Variants in STAG2 observed in about 807,000 individuals in gnomAD.
The protein encoded by STAG2 is STAG2 cohesin complex component, also known as cohesin subunit SA-2.
STAG2 carries 14 observed loss-of-function variants against 108.1 expected under a neutral mutation model. The ratio of observed to expected loss-of-function variants is 0.13; its 90% CI spans 0.09 to 0.20. The LOEUF is 0.20. Among genes scored for constraint, STAG2 ranks in the 10% least tolerant of loss-of-function variants. The pLI, the probability that STAG2 is intolerant of heterozygous loss-of-function variation, is 1.00. For synonymous variants in STAG2, 307 were observed against 302.7 expected, an observed-to-expected ratio of 1.01 and a Z score of -0.15; for missense variants, 440 against 940.9, an observed-to-expected ratio of 0.47 and a Z score of 6.96.
intron 30 of STAG2, among the ~76,000 whole-genome samples, chrX:124,089,629 G>A (rs899244274): frequency 9.0e-6 from 1 of 110,972 alleles, no homozygotes; most frequent in Non-Finnish European, 1.9e-5. Context: ...TCCCCACACT[G>A]CCACCACATT....
rs373024495 is a variant in STAG2, at chrX:123,980,586, C to T, written c.-163+18730C>T. ...TCCTTATGTAGATTGTTTCCTTTGT[C>T]GCATCTCATGGGAATTGGGTTCTTC... On this transcript the variant is annotated intron_variant, in intron 1 of 34. Coordinates refer to ENST00000371145, the MANE Select transcript of STAG2 (RefSeq NM_001042750.2). Among the ~76,000 whole-genome samples, 36 of 111,483 alleles carry T rather than the reference C, an allele frequency of 3.2e-4. No individual in the cohort carries two copies. In the East Asian group the frequency reaches 9.3e-3, roughly 29 times the overall value.
intron 1 of STAG2, among the ~76,000 whole-genome samples, chrX:124,013,722 CAA>C (rs10603485): frequency 0.16 from 18,131 of 110,289 alleles, 1,201 homozygotes; most frequent in South Asian, 0.36. Context: ...TAAGGCAACT[CAA>C]GAGACAAATG....
At chrX:124,053,483 T>C (rs2058101573) in intron 13 of STAG2, among the ~76,000 whole-genome samples, 1 of 110,511 alleles carries the variant, frequency 9.0e-6, no homozygotes, top group African/African-American at 3.3e-5. Context: ...AGCAAGCAAA[T>C]TGTGACATTT....
chrX:123,973,850 A>G lies in STAG2; in HGVS notation c.-163+11994A>G, dbSNP rs368316911. Among the ~76,000 whole-genome samples, 4 of 110,824 alleles carry G rather than the reference A, an allele frequency of 3.6e-5. No individual in the cohort carries two copies. The East Asian group carries it at 1.1e-3, about 31-fold the overall frequency. On this transcript the variant is annotated intron_variant, in intron 1 of 34. Transcript: ENST00000371145. ...CAAGAGTGAAACTCCCTCTCAAAAA[A>G]AAAAAAAAGTACCTATGAAAGATGG...
At chrX:123,967,838 A>G (rs528807320) in intron 1 of STAG2, among the ~76,000 whole-genome samples, 3 of 111,112 alleles carry the variant, frequency 2.7e-5, no homozygotes, top group African/African-American at 9.8e-5. Context: ...CAATAAAAAT[A>G]CGGTATAAAA....
At chrX:123,963,257 G>C (rs1017991016) in intron 1 of STAG2, 1 of 111,297 alleles carries the variant, frequency 9.0e-6, no homozygotes, top group Non-Finnish European at 1.9e-5. Context: ...CTCTCTCTGC[G>C]TATTGGTTAG....
chrX:124,028,403 G>T (rs933361535), intron 4 of STAG2, among the ~76,000 whole-genome samples: 3 of 111,491 alleles, frequency 2.7e-5, no homozygotes, highest in Non-Finnish European at 5.6e-5. Flanking sequence ...GCAGGATGAT[G>T]AGTGATTCTA....
intron 4 of STAG2, among the ~76,000 whole-genome samples, chrX:124,026,128 A>AAATAATAAT (rs57097416): frequency 0.041 from 3,637 of 88,867 alleles, 108 homozygotes; most frequent in African/African-American, 0.091. Flanking sequence ...GTAAAGTTGC[A>AAATAATAAT]AATAATAATA....
chrX:123,981,026 A>C (rs1311146736), intron 1 of STAG2, among the ~76,000 whole-genome samples: 1 of 111,817 alleles, frequency 8.9e-6, no homozygotes, highest in East Asian at 2.8e-4. Context: ...TCTTATAAAA[A>C]TCACTTCATT....
At chrX:124,031,804 C>T (rs1452983520) in intron 5 of STAG2, among the ~76,000 whole-genome samples, 2 of 107,935 alleles carry the variant, frequency 1.9e-5, no homozygotes, top group Non-Finnish European at 3.8e-5. Flanking sequence ...GATCTCTGCT[C>T]ACTGCAACCT....
intron 1 of STAG2, among the ~76,000 whole-genome samples, chrX:123,982,764 C>T (rs1369379813): frequency 1.1e-4 from 6 of 53,880 alleles, no homozygotes; most frequent in Non-Finnish European, 1.8e-4. Flanking sequence ...TTTTTTTTGC[C>T]CTTTTTTTTT....
In STAG2 at chrX:124,031,219, A is replaced by C. The variant is rs765145230; in HGVS notation, c.288+94A>C. 11 of 908,640 alleles carry C rather than the reference A, an allele frequency of 1.2e-5. No individual in the cohort carries two copies. In the East Asian group the frequency reaches 1.8e-4, roughly 15 times the overall value. 74.9% of individuals were successfully genotyped at this position (908,640 alleles called of 1,213,427 possible). A position where few individuals can be genotyped will look rare whatever the true frequency, so the allele number is the denominator to read the frequency against. On this transcript the variant is annotated intron_variant, in intron 5 of 34. Transcript: ENST00000371145. ...GCTCTGATTTTTCTAATTGCATTTTAAACATACACTACTTATTAGAAAAAA... is the reference window on the plus strand; with the variant it reads ...GCTCTGATTTTTCTAATTGCATTTTCAACATACACTACTTATTAGAAAAAA...
Position 124,066,143 on chromosome X carries a change from ATTTTTTTTTTT to A in STAG2, c.2097-15_2097-5del, listed in dbSNP as rs748906058. 3.7e-5 allele frequency: 22 copies of A among 590,474 alleles called. No homozygotes were observed. The highest frequency in any genetic ancestry group is 4.6e-5 in the South Asian group (1 of 21,809). The allele number at this position is 590,474 out of a possible 1,213,427, so 48.7% of individuals were successfully genotyped here. On this transcript the variant is annotated intron_variant, in intron 21 of 34. Transcript: ENST00000371145. ...AGGCTTAGCTTTTTAATAAAACTTA[ATTTTTTTTTTT>A]TTTTTTTTTTTTTTTTACAGTGCCC...
At chrX:123,983,231 C>CTT (rs35406016) in intron 1 of STAG2, among the ~76,000 whole-genome samples, 4 of 101,618 alleles carry the variant, frequency 3.9e-5, no homozygotes, top group African/African-American at 1.4e-4. Context: ...ATTACTGGCA[C>CTT]TTTTTTTTTT....
intron 13 of STAG2, among the ~76,000 whole-genome samples, chrX:124,052,402 A>G (rs992108253): frequency 6.2e-5 from 7 of 112,102 alleles, no homozygotes; most frequent in Admixed American, 9.5e-5. Flanking sequence ...TGCCTATTCT[A>G]GATATTTCGT....
chrX:124,015,940 A>G (rs1393044594), intron 1 of STAG2, among the ~76,000 whole-genome samples: 1 of 111,506 alleles, frequency 9.0e-6, no homozygotes, highest in East Asian at 2.8e-4. Context: ...TAAAAGGAAC[A>G]TACCTTTGGG....
At chrX:123,963,820 A>T (rs1189001953) in intron 1 of STAG2, among the ~76,000 whole-genome samples, 2 of 111,776 alleles carry the variant, frequency 1.8e-5, no homozygotes, top group African/African-American at 6.5e-5. Flanking sequence ...CTACCAAAGA[A>T]TTGTGTAAGG....
intron 6 of STAG2, among the ~76,000 whole-genome samples, chrX:124,041,952 C>G (rs2057734379): frequency 9.0e-6 from 1 of 111,185 alleles, no homozygotes; most frequent in African/African-American, 3.3e-5. Context: ...TTTGGCATTT[C>G]CACACATCAG....
chrX:124,058,048 T>G lies in STAG2; in HGVS notation c.1416+71T>G, dbSNP rs369504223. The stretch of plus-strand genomic sequence containing the variant: ...GAAAAGGGGTTAAAATGAGGCACAT[T>G]TAAAAAAATATTCCTTGTAGCACAG... On this transcript the variant is annotated intron_variant, in intron 15 of 34. Coordinates refer to ENST00000371145, the MANE Select transcript of STAG2 (RefSeq NM_001042750.2). The G allele has an allele frequency of 5.3e-6, 3 of 567,987 alleles. No individual in the cohort carries two copies. In the East Asian group the frequency reaches 1.2e-4, roughly 22 times the overall value. 46.8% of individuals were successfully genotyped at this position (567,987 alleles called of 1,213,427 possible). A position where few individuals can be genotyped will look rare whatever the true frequency, so the allele number is the denominator to read the frequency against.
Sources: gnomAD v4.1 joint callset for allele counts (sites outside exome capture counted in the v4.1 genomes callset) on GRCh38, gnomAD v4.1.1 for gene constraint, MANE v1.5 for transcripts, NCBI Gene and HGNC (gene_info 2026-07-23, HGNC 2026-07-21) for gene names.